Variants in AGO2 observed in about 807,000 individuals in gnomAD.
AGO2 encodes the protein argonaute RISC catalytic component 2.
A neutral mutation model predicts 102.3 loss-of-function variants in AGO2; 5 were observed. The observed-to-expected ratio is 0.05, with a 90% confidence interval of 0.03 to 0.10. AGO2 has a LOEUF of 0.10. Ranked by LOEUF, AGO2 falls within the 10% of genes least tolerant of loss-of-function variation. The pLI, the probability that AGO2 is intolerant of heterozygous loss-of-function variation, is 1.00. For missense variants in AGO2, 541 were observed against 1,183.7 expected, an observed-to-expected ratio of 0.46 and a Z score of 7.97; for synonymous variants, 449 against 473.1, an observed-to-expected ratio of 0.95 and a Z score of 0.66.
At chr8:140,555,696 A>C (rs1239910695) in intron 10 of AGO2, 200 bp downstream of exon 10, 2 of 727,266 alleles carry the variant, frequency 2.8e-6, no homozygotes, top group African/African-American at 3.5e-5. Context: ...ATTAAGGATA[A>C]TTCTGAAAAA....
Position 140,532,398 on chromosome 8 carries a change from G to A in AGO2, c.2471+18C>T. The A allele has an allele frequency of 3.1e-6, 5 of 1,604,376 alleles. No homozygotes were observed. Among genetic ancestry groups the A allele is most frequent in the Non-Finnish European group, 4.3e-6 (5 of 1,174,786 alleles). The stretch of plus-strand genomic sequence containing the variant: ...AAAACCACCCCTGCTGTGACCTCCA[G>A]CCAGGCATGCCACTCACCTGTCATG... On this transcript the variant is annotated intron_variant, in intron 18 of 18. Coordinates refer to ENST00000220592, the MANE Select transcript of AGO2 (RefSeq NM_012154.5).
chr8:140,571,661 G>C (rs922810743), intron 3 of AGO2, among the ~76,000 whole-genome samples: 2 of 152,212 alleles, frequency 1.3e-5, no homozygotes, highest in Non-Finnish European at 2.9e-5. Flanking sequence ...TGTGTATGTT[G>C]TTCCCAGAGG....
At chr8:140,577,219 A>AAAAAG (rs1405268601) in intron 2 of AGO2, among the ~76,000 whole-genome samples, 1 of 151,316 alleles carries the variant, frequency 6.6e-6, no homozygotes, top group Non-Finnish European at 1.5e-5. Flanking sequence ...AAAAAAAAAA[A>AAAAAG]AAAAAAAAAG....
At chr8:140,627,098 C>T (rs1264891972) in intron 1 of AGO2, among the ~76,000 whole-genome samples, 2 of 152,218 alleles carry the variant, frequency 1.3e-5, no homozygotes, top group Non-Finnish European at 1.5e-5. Context: ...AAGAACTCCC[C>T]ATTTATATCC....
At chr8:140,631,266 G>T (rs1190503342) in intron 1 of AGO2, among the ~76,000 whole-genome samples, 2 of 152,196 alleles carry the variant, frequency 1.3e-5, no homozygotes, top group Non-Finnish European at 2.9e-5. Flanking sequence ...CGTAGGCCGG[G>T]CGTGGTGGCT....
intron 2 of AGO2, among the ~76,000 whole-genome samples, chr8:140,581,426 C>T (rs374794103): frequency 1.8e-4 from 27 of 151,986 alleles, no homozygotes; most frequent in East Asian, 7.7e-4. Flanking sequence ...AGCTGAGGCA[C>T]GAGAATCGCT....
chr8:140,547,476 G>A lies in AGO2; in HGVS notation c.1740C>T (p.Pro580=), dbSNP rs1453285047. The A allele has an allele frequency of 6.2e-7, 1 of 1,613,906 alleles. No homozygotes were observed. Among genetic ancestry groups the A allele is most frequent in the Non-Finnish European group, 8.5e-7 (1 of 1,179,866 alleles). Residue 580 remains proline, a synonymous_variant, in exon 13 of 19, where the codon CCC becomes CCT. Transcript: ENST00000220592. ...KLGGVNNILL[P]QGRPPVFQQP... ...AAGGGGCCGGGCCTCACCTGCCCTG[G>A]GGCAGCAGGATGTTGTTCACGCCTC... is the stretch of plus-strand genomic sequence containing the variant.
chr8:140,597,268 C>T (rs932311759), intron 1 of AGO2, among the ~76,000 whole-genome samples: 4 of 152,238 alleles, frequency 2.6e-5, no homozygotes, highest in South Asian at 2.1e-4. Context: ...ACACCCTTTC[C>T]GGCAAGCACA....
In AGO2 at chr8:140,539,247, C is replaced by T. The variant is rs1173635440; in HGVS notation, c.2169+73G>A. The T allele has an allele frequency of 6.5e-7, 1 of 1,528,762 alleles. No individual in the cohort carries two copies. Among genetic ancestry groups the T allele is most frequent in the Non-Finnish European group, 8.8e-7 (1 of 1,136,582 alleles). 94.7% of individuals were successfully genotyped at this position (1,528,762 alleles called of 1,614,324 possible). ...AGCGGCACTGTGGCCAGCAGGTTCT[C>T]TTGTGAGTGTGCTCGGGGTGTGGGG... On this transcript the variant is annotated intron_variant, in intron 16 of 18. Coordinates refer to ENST00000220592, the MANE Select transcript of AGO2 (RefSeq NM_012154.5). The surrounding 1 kb of genome is among the most constrained non-coding windows in gnomAD (Gnocchi z 4.7).
chr8:140,585,172 G>T lies in AGO2; in HGVS notation c.162C>A (p.Ile54=), dbSNP rs2073634182. 6.2e-7 allele frequency: 1 copy of T among 1,614,216 alleles called. No homozygotes were observed. Among genetic ancestry groups the T allele is most frequent in the East Asian group, 2.2e-5 (1 of 44,884 alleles). ...FFEMDIPKID[I]YHYELDIKPE... ...GCTTGATATCCAATTCATAATGATAGATGTCAATTTTGGGGATGTCCATTT... is the reference window on the plus strand; with the variant it reads ...GCTTGATATCCAATTCATAATGATATATGTCAATTTTGGGGATGTCCATTT... Residue 54 remains isoleucine, a synonymous_variant, in exon 2 of 19, where the codon ATC becomes ATA. Transcript: ENST00000220592.
intron 2 of AGO2, among the ~76,000 whole-genome samples, chr8:140,576,229 G>A (rs1165801279): frequency 1.3e-5 from 2 of 152,248 alleles, no homozygotes; most frequent in Admixed American, 6.5e-5. Context: ...CGGGAGAATC[G>A]TTTGAACCCA....
intron 12 of AGO2, among the ~76,000 whole-genome samples, chr8:140,548,043 C>T (rs1007370554): frequency 6.6e-6 from 1 of 152,224 alleles, no homozygotes; most frequent in Non-Finnish European, 1.5e-5. Context: ...TGGCCGGGCG[C>T]GGTGGCTCAC....
chr8:140,627,832 A>T (rs1305933394), intron 1 of AGO2, among the ~76,000 whole-genome samples: 2 of 152,090 alleles, frequency 1.3e-5, no homozygotes, highest in Non-Finnish European at 2.9e-5. Context: ...TCCACGCTTC[A>T]TCAGTAAAGG....
rs756011398 is a variant in AGO2 at position 140,540,851 on chromosome 8, G to A, written c.2034+313C>T. Among the ~76,000 whole-genome samples, 2 of 152,086 alleles carry A rather than the reference G, an allele frequency of 1.3e-5. No individual in the cohort carries two copies. The highest frequency in any genetic ancestry group is 1.9e-4 in the East Asian group (1 of 5,184). On this transcript the variant is annotated intron_variant, in intron 15 of 18. Coordinates refer to ENST00000220592, the MANE Select transcript of AGO2 (RefSeq NM_012154.5). This position sits in a 1 kb window ranked among gnomAD's most constrained non-coding sequence, Gnocchi z 5.0. Reference sequence around the variant, plus strand: ...GCCTGCAAGGCAAAGCCAGGCCCTCGGGAAGCCCCCAGATGGAGCTCTGCT... The same window carrying A: ...GCCTGCAAGGCAAAGCCAGGCCCTCAGGAAGCCCCCAGATGGAGCTCTGCT...
At position 140,595,586 on chromosome 8, in the gene AGO2, C is replaced by T. The variant is rs988266869; in HGVS notation, c.23-10275G>A. ...CCTCCCAAATAGCTGGGACTACAGG[C>T]GTGTGCCATCATGCCAGGCTATATA... On this transcript the variant is annotated intron_variant, in intron 1 of 18. Transcript: ENST00000220592. Among the ~76,000 whole-genome samples, 9 of 137,220 alleles carry T rather than the reference C, an allele frequency of 6.6e-5. No individual in the cohort carries two copies. In the East Asian group the frequency reaches 1.0e-3, roughly 15 times the overall value. 90.0% of individuals were successfully genotyped at this position (137,220 alleles called of 152,430 possible). A position where few individuals can be genotyped will look rare whatever the true frequency, so the allele number is the denominator to read the frequency against.
rs2072429294 is a variant in AGO2 at position 140,522,460 on chromosome 8, C to G, written c.*9584G>C. The G allele has an allele frequency of 6.7e-6, 1 of 148,794 alleles. No individual in the cohort carries two copies. The highest frequency in any genetic ancestry group is 1.5e-5 in the Non-Finnish European group (1 of 67,780). The allele number at this position is 148,794 out of a possible 1,614,324, so 9.2% of individuals were successfully genotyped here. A position where few individuals can be genotyped will look rare whatever the true frequency, so the allele number is the denominator to read the frequency against. Reference sequence around the variant, plus strand: ...ACCTGAAGAAAGCTTAGAACATGAGCAGGTTTGCAAATAAGACCTACGCCC... The same window carrying G: ...ACCTGAAGAAAGCTTAGAACATGAGGAGGTTTGCAAATAAGACCTACGCCC... On this transcript the variant is annotated 3_prime_UTR_variant, in exon 19 of 19. Transcript: ENST00000220592.
chr8:140,535,761 T>C (rs1407169030), intron 16 of AGO2, among the ~76,000 whole-genome samples, 192 bp from the exon 17 acceptor site: 1 of 152,224 alleles, frequency 6.6e-6, no homozygotes, highest in Non-Finnish European at 1.5e-5. Flanking sequence ...AATGAATTAA[T>C]GTTCCATGTG....
intron 1 of AGO2, among the ~76,000 whole-genome samples, chr8:140,619,262 G>T (rs1188957932): frequency 6.6e-6 from 1 of 152,162 alleles, no homozygotes; most frequent in African/African-American, 2.4e-5. Context: ...AATATTCACG[G>T]GCAACACCAG....
chr8:140,530,595 AAC>A lies in AGO2; in HGVS notation c.*1447_*1448del, dbSNP rs2072575991. On this transcript the variant is annotated 3_prime_UTR_variant, in exon 19 of 19. Transcript: ENST00000220592. Reference sequence around the variant, plus strand: ...TCGTCCGTGGTGTCACTCTTAGTGCAACAGTTTCTAGATTGGCAAACCCAAGT... The same window carrying A: ...TCGTCCGTGGTGTCACTCTTAGTGCAAGTTTCTAGATTGGCAAACCCAAGT... 1 of 152,324 alleles carries A rather than the reference AAC, an allele frequency of 6.6e-6. No individual in the cohort carries two copies. Among genetic ancestry groups the A allele is most frequent in the African/African-American group, 2.4e-5 (1 of 41,482 alleles). 9.4% of individuals were successfully genotyped at this position (152,324 alleles called of 1,614,324 possible).
Sources: gnomAD v4.1 joint callset for allele counts (sites outside exome capture counted in the v4.1 genomes callset) on GRCh38, gnomAD v4.1.1 for gene constraint, Gnocchi (gnomAD v3.1) non-coding constraint, MANE v1.5 for transcripts, NCBI Gene and HGNC (gene_info 2026-07-23, HGNC 2026-07-21) for gene names.